The following PARD3B variants were observed in gnomAD, a reference collection of about 807,000 sequenced individuals.
PARD3B encodes the protein partitioning defective 3 homolog B.
In PARD3B, 103 loss-of-function variants were observed where a neutral mutation model predicts 130.2. The observed-to-expected ratio is 0.79, with a 90% CI of 0.67 to 0.93. PARD3B has a LOEUF of 0.93. PARD3B is among the 40% of genes least tolerant of loss of function. The probability of loss-of-function intolerance (pLI) is 0.00; values close to 1 mark genes in which losing one functional copy is unlikely to be tolerated. For synonymous variants in PARD3B, 583 were observed against 553.2 expected, an observed-to-expected ratio of 1.05 and a Z score of -0.76; for missense variants, 1,609 against 1,499.2, an observed-to-expected ratio of 1.07 and a Z score of -1.21.
At chr2:205,487,547 C>G (rs2049494021) in intron 20 of PARD3B, among the ~76,000 whole-genome samples, 1 of 152,092 alleles carries the variant, frequency 6.6e-6, no homozygotes, top group Non-Finnish European at 1.5e-5. Flanking sequence ...TCCATTAAAA[C>G]TTACTTTCTT....
chr2:205,513,602 G>A (rs183565455), intron 21 of PARD3B, among the ~76,000 whole-genome samples: 7 of 152,122 alleles, frequency 4.6e-5, no homozygotes, highest in East Asian at 1.9e-4. Flanking sequence ...TCATTTTCAC[G>A]TATGTTCTGT....
intron 15 of PARD3B, among the ~76,000 whole-genome samples, chr2:205,228,209 C>T (rs931485326): frequency 2.6e-5 from 4 of 152,124 alleles, no homozygotes; most frequent in Non-Finnish European, 5.9e-5. Flanking sequence ...TTTGTACCTT[C>T]AAATAATATC....
intron 2 of PARD3B, among the ~76,000 whole-genome samples, chr2:204,947,017 C>T (rs919239673): frequency 1.3e-5 from 2 of 152,172 alleles, no homozygotes; most frequent in African/African-American, 4.8e-5. Flanking sequence ...ATGAGGCCCA[C>T]CCACTTTGGG....
At chr2:204,911,998 A>C (rs2047255690) in intron 2 of PARD3B, among the ~76,000 whole-genome samples, 1 of 116,950 alleles carries the variant, frequency 8.6e-6, no homozygotes, top group Non-Finnish European at 1.8e-5. Flanking sequence ...GAAATATTTA[A>C]ACAAACATGT....
At chr2:205,611,428 A>G (rs970844424) in intron 22 of PARD3B, among the ~76,000 whole-genome samples, 1 of 152,216 alleles carries the variant, frequency 6.6e-6, no homozygotes, top group Admixed American at 6.5e-5. Flanking sequence ...CTTTTGCTTA[A>G]TGAAAAATAC....
chr2:205,304,619 G>A (rs187472398), intron 18 of PARD3B, among the ~76,000 whole-genome samples: 259 of 128,710 alleles, frequency 2.0e-3, no homozygotes, highest in Non-Finnish European at 3.5e-3. Context: ...TGGGCAACAA[G>A]AGCAAAACTC....
intron 1 of PARD3B, among the ~76,000 whole-genome samples, chr2:204,643,115 C>CAAAAAAAAAAAAAAAAAA (rs71029202): frequency 0.11 from 3,472 of 31,690 alleles, 1,132 homozygotes; most frequent in East Asian, 0.15. Context: ...CTCTGTCTCA[C>CAAAAAAAAAAAAAAAAAA]AAAAAAAAAA....
intron 2 of PARD3B, among the ~76,000 whole-genome samples, chr2:204,791,123 T>TAAAA (rs11456507): frequency 1.3e-5 from 2 of 149,450 alleles, no homozygotes; most frequent in African/African-American, 4.9e-5. Context: ...AAAAAAAGGA[T>TAAAA]AAAAAAAAAA....
At chr2:205,438,851 AATAAT>A (rs1163002223) in intron 19 of PARD3B, among the ~76,000 whole-genome samples, 9 of 152,170 alleles carry the variant, frequency 5.9e-5, no homozygotes, top group African/African-American at 2.2e-4. Flanking sequence ...AGAGATATGC[AATAAT>A]ATATCCTGGC....
Position 205,616,323 on chromosome 2 carries a change from T to G in PARD3B, c.*510T>G, listed in dbSNP as rs1462667248. 1 of 153,282 alleles carries G rather than the reference T, an allele frequency of 6.5e-6. No individual in the cohort carries two copies. The highest frequency in any genetic ancestry group is 1.9e-4 in the East Asian group (1 of 5,194). 9.5% of individuals were successfully genotyped at this position (153,282 alleles called of 1,614,324 possible). A position where few individuals can be genotyped will look rare whatever the true frequency, so the allele number is the denominator to read the frequency against. Reference sequence around the variant, plus strand: ...CAGACAGAGATAGAGGCATCTGAAGTGAGTATAGGTTTTTTGACTAAGAAA... The same window carrying G: ...CAGACAGAGATAGAGGCATCTGAAGGGAGTATAGGTTTTTTGACTAAGAAA... On this transcript the variant is annotated 3_prime_UTR_variant, in exon 23 of 23. Transcript: ENST00000406610.
intron 2 of PARD3B, among the ~76,000 whole-genome samples, chr2:204,757,531 G>A (rs1483562496): frequency 6.6e-6 from 1 of 151,870 alleles, no homozygotes; most frequent in East Asian, 1.9e-4. Context: ...TTTTTCATAT[G>A]TTTGTTGGCT....
intron 5 of PARD3B, among the ~76,000 whole-genome samples, chr2:205,107,550 T>C (rs1703315789): frequency 6.6e-6 from 1 of 152,222 alleles, no homozygotes; most frequent in Non-Finnish European, 1.5e-5. Flanking sequence ...TTGTAGTTTA[T>C]TGTAACTATT....
intron 21 of PARD3B, among the ~76,000 whole-genome samples, chr2:205,539,025 G>A (rs1238609626): frequency 1.3e-5 from 2 of 152,160 alleles, no homozygotes; most frequent in African/African-American, 2.4e-5. Context: ...TCAGTAAGTG[G>A]TAGAGCCAGA....
chr2:205,197,860 G>T (rs1398900928), intron 15 of PARD3B, among the ~76,000 whole-genome samples: 1 of 152,188 alleles, frequency 6.6e-6, no homozygotes, highest in Admixed American at 6.5e-5. Context: ...TTGTGTGGGT[G>T]TTGAGTTGGA....
At chr2:205,106,405 T>C (rs1014297005) in intron 5 of PARD3B, among the ~76,000 whole-genome samples, 10 of 151,958 alleles carry the variant, frequency 6.6e-5, no homozygotes, top group South Asian at 4.2e-4. Flanking sequence ...TGCCTCAGCC[T>C]CCCAAAGTGC....
At chr2:204,772,301 T>C (rs1299808619) in intron 2 of PARD3B, among the ~76,000 whole-genome samples, 5 of 152,092 alleles carry the variant, frequency 3.3e-5, no homozygotes, top group Non-Finnish European at 1.5e-5. Context: ...AAGGTTTTCT[T>C]GTTCTGGAGA....
chr2:204,741,137 A>G (rs910600259), intron 2 of PARD3B, among the ~76,000 whole-genome samples: 13 of 152,224 alleles, frequency 8.5e-5, no homozygotes, highest in African/African-American at 2.7e-4. Context: ...TTGTTCCTGT[A>G]TCACTAATGA....
At chr2:204,849,267 A>G (rs2044606391) in intron 2 of PARD3B, among the ~76,000 whole-genome samples, 1 of 152,112 alleles carries the variant, frequency 6.6e-6, no homozygotes. Context: ...CAGGACATAC[A>G]GAATCTCCTG....
At chr2:204,986,101 C>A (rs1383502030) in intron 3 of PARD3B, among the ~76,000 whole-genome samples, 10 of 51,250 alleles carry the variant, frequency 2.0e-4, no homozygotes, top group Non-Finnish European at 2.0e-4. Flanking sequence ...ACTCTGTCTC[C>A]AAAAAAAAAA....
Sources: gnomAD v4.1 joint callset for allele counts (sites outside exome capture counted in the v4.1 genomes callset) on GRCh38, gnomAD v4.1.1 for gene constraint, MANE v1.5 for transcripts, NCBI Gene and HGNC (gene_info 2026-07-23, HGNC 2026-07-21) for gene names.